The following APBB2 variants were observed in gnomAD, a reference collection of about 807,000 sequenced individuals.
APBB2 encodes Fe65-like 1.
APBB2 carries 38 observed loss-of-function variants against 82.5 expected under a neutral mutation model. The observed-to-expected ratio is 0.46, with a 90% CI of 0.36 to 0.60. The LOEUF is 0.60. APBB2 is among the 20% of genes least tolerant of loss of function. The pLI is 0.00. For synonymous variants in APBB2, 341 were observed against 368.2 expected (o/e 0.93, Z 0.85); for missense variants, 772 against 972.3 (o/e 0.79, Z 2.74).
At chr4:41,136,758 GGGAA>G (rs1757688744) in intron 2 of APBB2, among the ~76,000 whole-genome samples, 1 of 152,086 alleles carries the variant, frequency 6.6e-6, no homozygotes. Context: ...TGCCAGAGAA[GGGAA>G]ATGTCTCTGC....
At chr4:41,197,321 C>T in intron 1 of APBB2, among the ~76,000 whole-genome samples, 1 of 152,154 alleles carries the variant, frequency 6.6e-6, no homozygotes, top group Non-Finnish European at 1.5e-5. Flanking sequence ...AATCACTGAA[C>T]TGAACTAAAA....
Position 41,105,759 on chromosome 4 carries a change from G to T in APBB2, c.-260-5009C>A, listed in dbSNP as rs181959316. Among the ~76,000 whole-genome samples, 777 of 152,056 alleles carry T rather than the reference G, an allele frequency of 5.1e-3. 19 individuals are homozygous for T. The highest frequency in any genetic ancestry group is 0.046 in the Admixed American group (702 of 15,266). On this transcript the variant is annotated intron_variant, in intron 2 of 17. Transcript: ENST00000508593. ...AAATTAGCCAGGTGTGGTAGCGGGC[G>T]CCTGTAGTCCCAGCTACTCAGGAGG...
intron 10 of APBB2, among the ~76,000 whole-genome samples, chr4:40,933,500 G>A (rs893899472): frequency 4.6e-5 from 7 of 152,138 alleles, no homozygotes; most frequent in African/African-American, 1.7e-4. Flanking sequence ...CCACTGAGTC[G>A]CCTGTGGAAC....
intron 12 of APBB2, among the ~76,000 whole-genome samples, chr4:40,864,000 T>C (rs535493685): frequency 6.6e-6 from 1 of 151,118 alleles, no homozygotes; most frequent in South Asian, 2.1e-4. Context: ...GGCTCACGCC[T>C]GTAATCCCAG....
intron 12 of APBB2, among the ~76,000 whole-genome samples, chr4:40,874,906 T>C (rs535493273): frequency 8.3e-4 from 127 of 152,330 alleles, no homozygotes; most frequent in African/African-American, 3.0e-3. Context: ...ATTCAAACTA[T>C]GACCAATCAG....
intron 2 of APBB2, among the ~76,000 whole-genome samples, chr4:41,120,015 G>A: frequency 6.6e-6 from 1 of 152,126 alleles, no homozygotes; most frequent in Non-Finnish European, 1.5e-5. Flanking sequence ...CGTGATATGG[G>A]TGGTAAAGAT....
chr4:41,028,416 C>A (rs954006961), intron 5 of APBB2, among the ~76,000 whole-genome samples: 3 of 152,150 alleles, frequency 2.0e-5, no homozygotes, highest in Non-Finnish European at 2.9e-5. Context: ...ATGAGACTTG[C>A]CAGAAGGTAA....
intron 12 of APBB2, among the ~76,000 whole-genome samples, chr4:40,875,543 T>C (rs1344392623): frequency 6.6e-6 from 1 of 152,262 alleles, no homozygotes. Flanking sequence ...GTAATCAATA[T>C]GAAATTGTTA....
chr4:41,051,545 T>C (rs1276039051), intron 4 of APBB2, among the ~76,000 whole-genome samples: 1 of 152,182 alleles, frequency 6.6e-6, no homozygotes, highest in East Asian at 1.9e-4. Flanking sequence ...TCTGACTCCA[T>C]CCCTTCCTTG....
chr4:41,089,912 G>A (rs1275523082), intron 3 of APBB2, among the ~76,000 whole-genome samples: 1 of 152,100 alleles, frequency 6.6e-6, no homozygotes, highest in Non-Finnish European at 1.5e-5. Flanking sequence ...TTATTGTCAA[G>A]CATTACCTGA....
rs1553876599 is a variant in APBB2, at chr4:40,949,259, A to ATT, written c.836-4187_836-4186insAA. 2.6e-5 allele frequency among the ~76,000 whole-genome samples: 4 copies of ATT among 151,782 alleles called. No homozygotes were observed. In the East Asian group the frequency reaches 7.8e-4, roughly 29 times the overall value. ...ACTCCAGTCTGGGCAACAGAGTGAGACTGTCTCAAAAAAGGCGGGGGGAGG... is the reference window on the plus strand; with the variant it reads ...ACTCCAGTCTGGGCAACAGAGTGAGATTCTGTCTCAAAAAAGGCGGGGGGAGG... On this transcript the variant is annotated intron_variant, in intron 6 of 17. Transcript: ENST00000508593.
chr4:41,029,528 CT>C (rs1469515900), intron 5 of APBB2, among the ~76,000 whole-genome samples: 3 of 152,200 alleles, frequency 2.0e-5, no homozygotes, highest in Non-Finnish European at 4.4e-5. Flanking sequence ...TTAAACTTAA[CT>C]GCCTGAGGAC....
chr4:41,121,899 GTGTGTGTGTGTATGTGTGTA>G (rs1752947350), intron 2 of APBB2, among the ~76,000 whole-genome samples: 5 of 151,762 alleles, frequency 3.3e-5, no homozygotes. Flanking sequence ...TTGGTTGTGT[GTGTGTGTGTGTATGTGTGTA>G]TGTGTGTGTG....
In APBB2 at chr4:40,832,852, G is replaced by A. The variant is rs78373615; in HGVS notation, c.1530-2275C>T. On this transcript the variant is annotated intron_variant, in intron 12 of 17. Transcript: ENST00000508593. The surrounding 1 kb of genome is among the most constrained non-coding windows in gnomAD (Gnocchi z 4.8). ...TGGCGTATCACCGGTACTAATACATGTTTGCGGGCTGAGTACAAGTGTGGG... is the reference window on the plus strand; with the variant it reads ...TGGCGTATCACCGGTACTAATACATATTTGCGGGCTGAGTACAAGTGTGGG... Among the ~76,000 whole-genome samples the A allele has an allele frequency of 5.5e-3, 839 of 152,292 alleles. 4 individuals are homozygous for A. The highest frequency in any genetic ancestry group is 0.024 in the Middle Eastern group (7 of 294).
At chr4:41,067,411 C>CAAA (rs1170369678) in intron 3 of APBB2, among the ~76,000 whole-genome samples, 1 of 107,932 alleles carries the variant, frequency 9.3e-6, no homozygotes, top group Non-Finnish European at 1.9e-5. Flanking sequence ...AACTCCGTCT[C>CAAA]AAAAAAAAAA....
intron 4 of APBB2, among the ~76,000 whole-genome samples, chr4:41,053,900 T>A (rs1044233142): frequency 6.6e-6 from 1 of 152,228 alleles, no homozygotes; most frequent in African/African-American, 2.4e-5. Context: ...AAGATAAAGG[T>A]CATACTGAAT....
intron 6 of APBB2, among the ~76,000 whole-genome samples, chr4:40,988,518 ATCCCAGCTAC>A (rs1801026271): frequency 6.6e-6 from 1 of 151,374 alleles, no homozygotes. Context: ...GGTGCCTGTA[ATCCCAGCTAC>A]TCGGGAGGCT....
chr4:41,045,015 T>G (rs984889639), intron 4 of APBB2, among the ~76,000 whole-genome samples: 1 of 152,180 alleles, frequency 6.6e-6, no homozygotes, highest in African/African-American at 2.4e-5. Context: ...TTTTACTTCT[T>G]TCTTCATTTC....
At chr4:41,112,918 C>T (rs1357935220) in intron 2 of APBB2, among the ~76,000 whole-genome samples, 2 of 151,732 alleles carry the variant, frequency 1.3e-5, no homozygotes, top group Non-Finnish European at 2.9e-5. Flanking sequence ...ATCCAGGAGG[C>T]GGAGGTTGCA....
Sources: allele counts gnomAD v4.1 joint callset (sites outside exome capture counted in the v4.1 genomes callset), GRCh38; gene constraint gnomAD v4.1.1; non-coding constraint Gnocchi (gnomAD v3.1); transcripts MANE v1.5; gene names NCBI Gene and HGNC (gene_info 2026-07-23, HGNC 2026-07-21).